The following NETO1 variants were observed in gnomAD, a reference collection of about 807,000 sequenced individuals.
NETO1 encodes neuropilin and tolloid-like protein 1.
NETO1 carries 26 observed loss-of-function variants against 61.3 expected under a neutral mutation model. That is an observed-to-expected ratio of 0.42 (90% confidence interval 0.31 to 0.59). NETO1 has a LOEUF of 0.59. NETO1 is among the 20% of genes least tolerant of loss of function. NETO1 has a pLI of 0.12. For missense variants in NETO1, 531 were observed against 662.8 expected, an observed-to-expected ratio of 0.80 and a Z score of 2.18; for synonymous variants, 225 against 225.8, an observed-to-expected ratio of 1.00 and a Z score of 0.03.
chr18:72,809,837 G>C (rs2072805058), intron 4 of NETO1, among the ~76,000 whole-genome samples: 2 of 152,160 alleles, frequency 1.3e-5, no homozygotes, highest in African/African-American at 4.8e-5. Context: ...AGTTTTTTCT[G>C]CATACTGCAA....
chr18:72,793,945 T>G (rs1338187569), intron 6 of NETO1, among the ~76,000 whole-genome samples, 172 bp downstream of exon 6: 3 of 152,182 alleles, frequency 2.0e-5, no homozygotes, highest in Non-Finnish European at 4.4e-5. Context: ...CGACATCAAA[T>G]TTAGATTGGA....
chr18:72,827,134 C>T (rs1343917581), intron 4 of NETO1, among the ~76,000 whole-genome samples: 3 of 148,218 alleles, frequency 2.0e-5, no homozygotes, highest in Non-Finnish European at 4.4e-5. Flanking sequence ...GGTTTAATAT[C>T]AACCTTCTAA....
intron 4 of NETO1, among the ~76,000 whole-genome samples, chr18:72,794,670 A>G (rs1350002244): frequency 6.6e-6 from 1 of 152,194 alleles, no homozygotes; most frequent in Non-Finnish European, 1.5e-5. Flanking sequence ...TCCTGCCTCT[A>G]ATTATCAAAT....
In NETO1 at chr18:72,757,562, A is replaced by G. The variant is rs545425560; in HGVS notation, c.869-1415T>C. ...TTATGTTCCTGGTTAAAGAGTAAAA[A>G]GCATATAATAGTAATTTTGGAAAAT... On this transcript the variant is annotated intron_variant, in intron 7 of 10. Coordinates refer to ENST00000327305, the MANE Select transcript of NETO1 (RefSeq NM_138966.5). Among the ~76,000 whole-genome samples, 63 of 152,302 alleles carry G rather than the reference A, an allele frequency of 4.1e-4. 1 individual carries two copies. The South Asian group carries it at 0.013, about 31-fold the overall frequency.
rs551106542 is a variant in NETO1 at position 72,784,672 on chromosome 18, C to G, written c.640-766G>C. Among the ~76,000 whole-genome samples, 5 of 152,312 alleles carry G rather than the reference C, an allele frequency of 3.3e-5. No homozygotes were observed. In the South Asian group the frequency reaches 6.2e-4, roughly 19 times the overall value. Reference sequence around the variant, plus strand: ...GACATGAGCATCCTCACTTCCTAGTCCATAATTCTTTCACAACATTATGCT... The same window carrying G: ...GACATGAGCATCCTCACTTCCTAGTGCATAATTCTTTCACAACATTATGCT... On this transcript the variant is annotated intron_variant, in intron 6 of 10. Transcript: ENST00000327305.
chr18:72,792,320 C>T (rs749054908), intron 6 of NETO1, among the ~76,000 whole-genome samples: 3 of 151,936 alleles, frequency 2.0e-5, no homozygotes, highest in Non-Finnish European at 4.4e-5. Context: ...CTGTAATTCC[C>T]GAAGCAAGAA....
intron 4 of NETO1, among the ~76,000 whole-genome samples, chr18:72,807,754 A>ACC (rs1555690848): frequency 5.8e-5 from 1 of 17,210 alleles, no homozygotes; most frequent in African/African-American, 7.3e-5. Flanking sequence ...ACACACACAC[A>ACC]CCCATACTGT....
intron 4 of NETO1, among the ~76,000 whole-genome samples, chr18:72,796,772 A>G (rs1421603892): frequency 6.6e-6 from 1 of 152,094 alleles, no homozygotes; most frequent in Non-Finnish European, 1.5e-5. Flanking sequence ...CCGAAAATAG[A>G]TTTTAAAAAA....
intron 3 of NETO1, among the ~76,000 whole-genome samples, chr18:72,860,396 A>G (rs1258474386): frequency 6.6e-6 from 1 of 152,172 alleles, no homozygotes; most frequent in Non-Finnish European, 1.5e-5. Context: ...GATGACCTAA[A>G]ATGTAAACTC....
chr18:72,867,803 CG>C lies in NETO1; in HGVS notation c.-513del, dbSNP rs2074787109. 1 of 155,834 alleles carries C rather than the reference CG, an allele frequency of 6.4e-6. No homozygotes were observed. The highest frequency in any genetic ancestry group is 1.4e-5 in the Non-Finnish European group (1 of 73,646). The allele number at this position is 155,834 out of a possible 1,614,324, so 9.7% of individuals were successfully genotyped here. On this transcript the variant is annotated 5_prime_UTR_variant, in exon 1 of 11. Coordinates refer to ENST00000327305, the MANE Select transcript of NETO1 (RefSeq NM_138966.5). Reference sequence around the variant, plus strand: ...GCGGCGGCGGCGGCGCCGGCGGCGGCGGGGTGGCTCAGTCCCCAGTCTCAGA... The same window carrying C: ...GCGGCGGCGGCGGCGCCGGCGGCGGCGGGTGGCTCAGTCCCCAGTCTCAGA...
intron 4 of NETO1, among the ~76,000 whole-genome samples, chr18:72,839,671 G>A (rs1038940905): frequency 6.6e-6 from 1 of 152,100 alleles, no homozygotes; most frequent in Non-Finnish European, 1.5e-5. Context: ...CACATGAAAG[G>A]TGCAGACACC....
At chr18:72,850,654 A>G (rs1568260590) in intron 4 of NETO1, among the ~76,000 whole-genome samples, 1 of 152,254 alleles carries the variant, frequency 6.6e-6, no homozygotes, top group East Asian at 1.9e-4. Flanking sequence ...GATTTTACCA[A>G]GAAGCCCAGT....
In NETO1 at chr18:72,747,081, A is replaced by G. The variant is rs2070447527; in HGVS notation, c.*1098T>C. 1 of 151,988 alleles carries G rather than the reference A, an allele frequency of 6.6e-6. No homozygotes were observed. The highest frequency in any genetic ancestry group is 2.4e-5 in the African/African-American group (1 of 41,424). The allele number at this position is 151,988 out of a possible 1,614,324, so 9.4% of individuals were successfully genotyped here. A position where few individuals can be genotyped will look rare whatever the true frequency, so the allele number is the denominator to read the frequency against. On this transcript the variant is annotated 3_prime_UTR_variant, in exon 11 of 11. Transcript: ENST00000327305. ...GAAAATATTCCCCTAAACTTTTAGAAGCCAAATATTTTGGGAAGTAAACCT... is the reference window on the plus strand; with the variant it reads ...GAAAATATTCCCCTAAACTTTTAGAGGCCAAATATTTTGGGAAGTAAACCT...
chr18:72,798,686 C>T (rs2072401381), intron 4 of NETO1, among the ~76,000 whole-genome samples: 1 of 152,136 alleles, frequency 6.6e-6, no homozygotes, highest in Non-Finnish European at 1.5e-5. Context: ...ACAAGCTAAG[C>T]CTAGCCAAAA....
intron 4 of NETO1, among the ~76,000 whole-genome samples, chr18:72,854,914 C>G (rs1373260549): frequency 6.6e-6 from 1 of 152,046 alleles, no homozygotes; most frequent in East Asian, 1.9e-4. Flanking sequence ...TCCCCTCTTC[C>G]TGCTATCCCT....
rs915176263 is a variant in NETO1 at position 72,754,485 on chromosome 18, G to C, written c.982+1549C>G. 3.3e-5 allele frequency among the ~76,000 whole-genome samples: 5 copies of C among 152,126 alleles called. No homozygotes were observed. In the East Asian group the frequency reaches 9.7e-4, roughly 29 times the overall value. On this transcript the variant is annotated intron_variant, in intron 8 of 10. Transcript: ENST00000327305. Reference sequence around the variant, plus strand: ...CAGATAGACTGAAAGTAAAAACGTGGAAAAGAAGAATGGAAACCAAACCAT... The same window carrying C: ...CAGATAGACTGAAAGTAAAAACGTGCAAAAGAAGAATGGAAACCAAACCAT...
chr18:72,756,293 G>A (rs544557107), intron 7 of NETO1, 146 bp from the exon 8 acceptor site: 85 of 531,740 alleles, frequency 1.6e-4, no homozygotes, highest in South Asian at 7.3e-4. Context: ...TTTCAGAAAC[G>A]GTGCCGTAGT....
At chr18:72,762,968 G>A (rs893429978) in intron 7 of NETO1, among the ~76,000 whole-genome samples, 2 of 152,118 alleles carry the variant, frequency 1.3e-5, no homozygotes, top group African/African-American at 2.4e-5. Flanking sequence ...AAGAATCATA[G>A]AACACATTGT....
rs1487916283 is a variant in NETO1, at chr18:72,744,331, T to G, written c.*3848A>C. The stretch of plus-strand genomic sequence containing the variant: ...TGTAAATTAACAAAGGGCCTCAGAT[T>G]TATTTAGCAGGATTATTTATAAAAA... On this transcript the variant is annotated 3_prime_UTR_variant, in exon 11 of 11. Coordinates refer to ENST00000327305, the MANE Select transcript of NETO1 (RefSeq NM_138966.5). 6.6e-6 allele frequency: 1 copy of G among 152,204 alleles called. No individual in the cohort carries two copies. The highest frequency in any genetic ancestry group is 1.5e-5 in the Non-Finnish European group (1 of 68,028). The allele number at this position is 152,204 out of a possible 1,614,324, so 9.4% of individuals were successfully genotyped here.
Sources: allele counts gnomAD v4.1 joint callset (sites outside exome capture counted in the v4.1 genomes callset), GRCh38; gene constraint gnomAD v4.1.1; transcripts MANE v1.5; gene names NCBI Gene and HGNC (gene_info 2026-07-23, HGNC 2026-07-21).